ST8SIA2: variants seen among roughly 807,000 people sequenced by gnomAD.
ST8SIA2 encodes the protein ST8 alpha-N-acetyl-neuraminide alpha-2,8-sialyltransferase 2, also known as alpha-2,8-sialyltransferase 8B.
A neutral mutation model predicts 37.6 loss-of-function variants in ST8SIA2; 22 were observed. The ratio of observed to expected loss-of-function variants is 0.58; its 90% CI spans 0.42 to 0.83. ST8SIA2 has a LOEUF of 0.83. ST8SIA2 is among the 40% of genes least tolerant of loss of function. The pLI is 0.00. For missense variants in ST8SIA2, 382 were observed against 484.7 expected, an observed-to-expected ratio of 0.79 and a Z score of 1.99; for synonymous variants, 205 against 201.2, an observed-to-expected ratio of 1.02 and a Z score of -0.16.
intron 1 of ST8SIA2, among the ~76,000 whole-genome samples, chr15:92,395,237 T>C (rs1183854537): frequency 6.6e-6 from 1 of 152,230 alleles, no homozygotes; most frequent in Admixed American, 6.5e-5. Context: ...AGGTCTCTTC[T>C]TCTGTGGGAT....
chr15:92,416,324 C>T (rs903638920), intron 1 of ST8SIA2, among the ~76,000 whole-genome samples: 6 of 150,112 alleles, frequency 4.0e-5, no homozygotes, highest in Non-Finnish European at 8.9e-5. Flanking sequence ...GAGAGGACAC[C>T]GGGAGAGACA....
intron 2 of ST8SIA2, among the ~76,000 whole-genome samples, chr15:92,432,265 A>G (rs1463727754): frequency 6.6e-6 from 1 of 152,166 alleles, no homozygotes; most frequent in African/African-American, 2.4e-5. Flanking sequence ...GTAGGCTTCA[A>G]CAAAGCTGGG....
intron 3 of ST8SIA2, among the ~76,000 whole-genome samples, chr15:92,437,313 C>T (rs1272144206): frequency 6.6e-6 from 1 of 152,124 alleles, no homozygotes; most frequent in South Asian, 2.1e-4. Context: ...TTAAGTAAAA[C>T]GCCCAGCTAG....
At chr15:92,461,768 C>T (rs996628954) in intron 5 of ST8SIA2, among the ~76,000 whole-genome samples, 3 of 152,160 alleles carry the variant, frequency 2.0e-5, no homozygotes, top group African/African-American at 7.2e-5. Flanking sequence ...GGAGAGATTT[C>T]GGAGAAATGC....
At chr15:92,404,287 A>C (rs1310592265) in intron 1 of ST8SIA2, among the ~76,000 whole-genome samples, 1 of 152,196 alleles carries the variant, frequency 6.6e-6, no homozygotes. Context: ...TCAGTGGAAC[A>C]CTTATTACCT....
rs770564047 is a variant in ST8SIA2 at position 92,438,452 on chromosome 15, C to G, written c.390C>G (p.Asp130Glu). 3.2e-5 allele frequency: 51 copies of G among 1,614,114 alleles called. No individual in the cohort carries two copies. The East Asian group carries it at 1.1e-3, about 34-fold the overall frequency. The part of the protein sequence containing the change: ...GDIIHYIFDR[D>E]STMNVSQNLY... ...TTATTCATTACATCTTCGATCGAGA[C>G]AGCACCATGAATGTGTCCCAGAACC... The change falls in exon 4 of 6, where the codon GAC becomes GAG. Residue 130 changes from aspartate to glutamate, a missense_variant. Coordinates refer to ENST00000268164, the MANE Select transcript of ST8SIA2 (RefSeq NM_006011.4).
At chr15:92,434,566 T>C (rs1481864145) in intron 3 of ST8SIA2, among the ~76,000 whole-genome samples, 191 bp downstream of exon 3, 9 of 151,044 alleles carry the variant, frequency 6.0e-5, no homozygotes, top group Non-Finnish European at 1.2e-4. Flanking sequence ...AGCCTGTGTA[T>C]GTGGCGACTG....
intron 1 of ST8SIA2, among the ~76,000 whole-genome samples, chr15:92,394,598 A>G (rs1419756523): frequency 2.6e-5 from 4 of 151,550 alleles, no homozygotes; most frequent in Non-Finnish European, 4.4e-5. Context: ...GGGGGCGCGC[A>G]GGGATCTCTG....
intron 5 of ST8SIA2, among the ~76,000 whole-genome samples, chr15:92,451,360 G>A (rs1682175592): frequency 1.3e-5 from 2 of 152,194 alleles, no homozygotes; most frequent in South Asian, 4.1e-4. Flanking sequence ...CACTGCAGTT[G>A]TTCAGAGCCT....
At chr15:92,459,838 C>T (rs964542921) in intron 5 of ST8SIA2, among the ~76,000 whole-genome samples, 1 of 152,104 alleles carries the variant, frequency 6.6e-6, no homozygotes, top group African/African-American at 2.4e-5. Context: ...GTGATCCGCC[C>T]GCCTCAGCCT....
At chr15:92,398,308 G>A (rs1350728816) in intron 1 of ST8SIA2, among the ~76,000 whole-genome samples, 1 of 152,204 alleles carries the variant, frequency 6.6e-6, no homozygotes, top group Non-Finnish European at 1.5e-5. Flanking sequence ...TAAGGGCAGA[G>A]CAGGCTTGCA....
chr15:92,443,637 C>A (rs532488050), intron 4 of ST8SIA2, among the ~76,000 whole-genome samples: 30 of 152,212 alleles, frequency 2.0e-4, no homozygotes, highest in African/African-American at 6.7e-4. Flanking sequence ...CCTTTGATAT[C>A]TCACTCTGCT....
chr15:92,462,593 T>C (rs1432799351), intron 5 of ST8SIA2, among the ~76,000 whole-genome samples: 1 of 152,236 alleles, frequency 6.6e-6, no homozygotes, highest in Non-Finnish European at 1.5e-5. Context: ...ACTTCTGGCC[T>C]GAATTTAATG....
At chr15:92,401,243 TG>T (rs1447003674) in intron 1 of ST8SIA2, among the ~76,000 whole-genome samples, 1 of 152,186 alleles carries the variant, frequency 6.6e-6, no homozygotes, top group Non-Finnish European at 1.5e-5. Context: ...AGAGGCACTG[TG>T]GGGTGAGACA....
At chr15:92,405,146 TAAAAAG>T (rs1194789478) in intron 1 of ST8SIA2, among the ~76,000 whole-genome samples, 1 of 152,130 alleles carries the variant, frequency 6.6e-6, no homozygotes, top group East Asian at 1.9e-4. Context: ...TATTCAATCT[TAAAAAG>T]GAAGGAAATT....
intron 5 of ST8SIA2, among the ~76,000 whole-genome samples, chr15:92,463,348 G>T (rs1454433855): frequency 3.3e-5 from 5 of 152,222 alleles, no homozygotes; most frequent in Non-Finnish European, 7.3e-5. Context: ...AAGAAAGAGA[G>T]TGGGCAGAAC....
chr15:92,442,652 T>A (rs8030186), intron 4 of ST8SIA2, among the ~76,000 whole-genome samples: 45,007 of 151,946 alleles, frequency 0.3, 7,633 homozygotes, highest in East Asian at 0.66. Context: ...AACTGAGACC[T>A]GAGCAGCCCC....
At chr15:92,423,982 C>T (rs2049655757) in intron 1 of ST8SIA2, among the ~76,000 whole-genome samples, 1 of 152,198 alleles carries the variant, frequency 6.6e-6, no homozygotes, top group South Asian at 2.1e-4. Flanking sequence ...CACTTTTCTC[C>T]TGTCCATGTG....
chr15:92,424,465 T>C (rs2049660140), intron 1 of ST8SIA2, among the ~76,000 whole-genome samples: 2 of 152,362 alleles, frequency 1.3e-5, no homozygotes, highest in South Asian at 4.1e-4. Flanking sequence ...GTTTTGCTAC[T>C]TGCTTTTCAC....
Sources: gnomAD v4.1 joint callset for allele counts (sites outside exome capture counted in the v4.1 genomes callset) on GRCh38, gnomAD v4.1.1 for gene constraint, MANE v1.5 for transcripts, NCBI Gene and HGNC (gene_info 2026-07-23, HGNC 2026-07-21) for gene names.